PSMD11: variants seen among roughly 807,000 people sequenced by gnomAD.
The protein encoded by PSMD11 is 26S proteasome non-ATPase regulatory subunit 11.
PSMD11 carries 5 observed loss-of-function variants against 62.3 expected under a neutral mutation model. The ratio of observed to expected loss-of-function variants is 0.08; its 90% CI spans 0.04 to 0.17. PSMD11 has a LOEUF of 0.17. Ranked by LOEUF, PSMD11 falls within the 10% of genes least tolerant of loss-of-function variation. PSMD11 has a pLI of 1.00. For synonymous variants in PSMD11, 191 were observed against 191.8 expected (o/e 1.00, Z 0.03); for missense variants, 310 against 512.9 (o/e 0.60, Z 3.82).
chr17:32,459,853 C>T lies in PSMD11; in HGVS notation c.319-4196C>T, dbSNP rs1268091094. Among the ~76,000 whole-genome samples the T allele has an allele frequency of 1.3e-5, 2 of 152,044 alleles. 1 individual carries two copies. The highest frequency in any genetic ancestry group is 2.9e-5 in the Non-Finnish European group (2 of 68,008). ...TGTTGGCCAGGGTGGTCTTGAACTT[C>T]TGACCTCAGGTGATCCGCCTGTCTT... On this transcript the variant is annotated intron_variant, in intron 3 of 13. Transcript: ENST00000261712.
At chr17:32,460,953 G>A (rs989332270) in intron 3 of PSMD11, among the ~76,000 whole-genome samples, 24 of 152,074 alleles carry the variant, frequency 1.6e-4, no homozygotes, top group African/African-American at 5.1e-4. Flanking sequence ...GTAAGGTGAA[G>A]AGGAGGGAAG....
intron 6 of PSMD11, 51 bp downstream of exon 6, chr17:32,469,244 T>G (rs914686131): frequency 7.7e-6 from 12 of 1,553,208 alleles, no homozygotes; most frequent in South Asian, 4.7e-5. Context: ...CTCATCTTAT[T>G]TTATAGGTGG....
At chr17:32,472,867 C>T (rs1470897361) in intron 6 of PSMD11, among the ~76,000 whole-genome samples, 5 of 135,932 alleles carry the variant, frequency 3.7e-5, no homozygotes, top group Non-Finnish European at 6.2e-5. Flanking sequence ...TTTTAAGAGA[C>T]AAGGTCGGCT....
intron 5 of PSMD11, among the ~76,000 whole-genome samples, chr17:32,467,751 A>G (rs1908039897): frequency 6.6e-6 from 1 of 152,224 alleles, no homozygotes; most frequent in South Asian, 2.1e-4. Flanking sequence ...AGCTAGGACT[A>G]TAGGCGTGTG....
At chr17:32,480,446 C>A in intron 12 of PSMD11, 43 bp from the exon 13 acceptor site, 2 of 1,612,656 alleles carry the variant, frequency 1.2e-6, no homozygotes, top group Non-Finnish European at 1.7e-6. Flanking sequence ...ACTTTTGTGT[C>A]TAACCTCATC....
chr17:32,473,539 C>G (rs966838118), intron 6 of PSMD11, among the ~76,000 whole-genome samples: 1 of 152,082 alleles, frequency 6.6e-6, no homozygotes, highest in Admixed American at 6.5e-5. Flanking sequence ...CTCAGCCTCC[C>G]AAAGTGCTGG....
intron 2 of PSMD11, among the ~76,000 whole-genome samples, chr17:32,447,529 T>G (rs2150827707): frequency 6.6e-6 from 1 of 152,314 alleles, no homozygotes; most frequent in Middle Eastern, 3.4e-3. Context: ...ACCTAGGACT[T>G]TGTGCACATC....
chr17:32,444,697 T>TA, intron 1 of PSMD11, 83 bp downstream of exon 1: 1 of 1,537,156 alleles, frequency 6.5e-7, no homozygotes, highest in South Asian at 1.1e-5. Context: ...GGGGCCCGGC[T>TA]AGCCGGCTCT....
intron 2 of PSMD11, among the ~76,000 whole-genome samples, chr17:32,447,860 A>G (rs897854634): frequency 1.4e-4 from 21 of 151,558 alleles, no homozygotes; most frequent in Non-Finnish European, 2.8e-4. Context: ...TCAACTTGAG[A>G]ACTAAAGATT....
chr17:32,469,041 C>G lies in PSMD11; in HGVS notation c.491C>G (p.Ala164Gly), dbSNP rs1228412811. 1.9e-6 allele frequency: 3 copies of G among 1,613,742 alleles called. No individual in the cohort carries two copies. Among genetic ancestry groups the G allele is most frequent in the African/African-American group, 1.3e-5 (1 of 74,842 alleles). Reference protein sequence around the residue: ...LRELKKMDDKALLVEVQLLES... With the variant: ...LRELKKMDDKGLLVEVQLLES... ...GAGTTGAAAAAGATGGACGACAAAG[C>G]TCTTTTGGTGGAAGTACAGCTTTTA... The change falls in exon 6 of 14, where the codon GCT becomes GGT. Residue 164 changes from alanine (A) to glycine (G), a missense_variant. Coordinates refer to ENST00000261712, the MANE Select transcript of PSMD11 (RefSeq NM_002815.4).
At chr17:32,476,180 A>G (rs1442294278) in intron 8 of PSMD11, among the ~76,000 whole-genome samples, 2 of 152,140 alleles carry the variant, frequency 1.3e-5, no homozygotes, top group African/African-American at 4.8e-5. Context: ...AGGCAGGAGA[A>G]TCACTTCAAA....
chr17:32,460,755 C>T (rs1412417076), intron 3 of PSMD11, among the ~76,000 whole-genome samples: 1 of 124,132 alleles, frequency 8.1e-6, no homozygotes, highest in Non-Finnish European at 1.7e-5. Context: ...GACACTGTCT[C>T]AAAAAAAAAA....
At chr17:32,451,579 T>G (rs1460934812) in intron 2 of PSMD11, among the ~76,000 whole-genome samples, 1 of 152,140 alleles carries the variant, frequency 6.6e-6, no homozygotes, top group African/African-American at 2.4e-5. Flanking sequence ...GTGCTGCACA[T>G]TGAAATAAAG....
intron 8 of PSMD11, among the ~76,000 whole-genome samples, chr17:32,476,526 C>T (rs1303876251): frequency 6.6e-6 from 1 of 152,160 alleles, no homozygotes. Flanking sequence ...ACACACTGTT[C>T]TTATATAAGC....
At chr17:32,469,439 G>T (rs2150836745) in intron 6 of PSMD11, among the ~76,000 whole-genome samples, 1 of 152,296 alleles carries the variant, frequency 6.6e-6, no homozygotes, top group African/African-American at 2.4e-5. Context: ...AACTTAGAAA[G>T]GTCGCACGTA....
At position 32,473,871 on chromosome 17, in the gene PSMD11, T is replaced by C. The variant is rs1597841951; in HGVS notation, c.714T>C (p.Gly238=). The C allele has an allele frequency of 6.2e-7, 1 of 1,614,104 alleles. No individual in the cohort carries two copies. Among genetic ancestry groups the C allele is most frequent in the Non-Finnish European group, 8.5e-7 (1 of 1,179,960 alleles). Residue 238 remains glycine, a synonymous_variant, in exon 7 of 14, where the codon GGT becomes GGC. Transcript: ENST00000261712. ...CATACTTCTATGAGGCATTTGAGGG[T>C]TATGACTCCATCGACAGCCCCAAGG... ...AYSYFYEAFE[G]YDSIDSPKAI... is the part of the protein sequence containing the mutation.
At chr17:32,462,266 T>G (rs1477878032) in intron 3 of PSMD11, among the ~76,000 whole-genome samples, 1 of 152,216 alleles carries the variant, frequency 6.6e-6, no homozygotes, top group Non-Finnish European at 1.5e-5. Flanking sequence ...TGGGGGGCAC[T>G]TCTTACCCTT....
chr17:32,474,104 G>A, intron 7 of PSMD11, 159 bp downstream of exon 7: 2 of 812,814 alleles, frequency 2.5e-6, no homozygotes, highest in South Asian at 1.8e-5. Flanking sequence ...GATCAAAAGT[G>A]GTCCAGAAAA....
chr17:32,477,400 TG>T, intron 8 of PSMD11, 120 bp from the exon 9 acceptor site: 1 of 735,858 alleles, frequency 1.4e-6, no homozygotes, highest in Non-Finnish European at 2.1e-6. Flanking sequence ...AGAAGAACGA[TG>T]GTGGGGCGGG....
Sources: allele counts gnomAD v4.1 joint callset (sites outside exome capture counted in the v4.1 genomes callset), GRCh38; gene constraint gnomAD v4.1.1; transcripts MANE v1.5; gene names NCBI Gene and HGNC (gene_info 2026-07-23, HGNC 2026-07-21).